DCT: variants seen among roughly 807,000 people sequenced by gnomAD.
DCT encodes L-dopachrome tautomerase.
DCT carries 47 observed loss-of-function variants against 53.0 expected under a neutral mutation model. The ratio of observed to expected loss-of-function variants is 0.89; its 90% CI spans 0.70 to 1.13. DCT has a LOEUF of 1.13. Among genes scored for constraint, DCT ranks in the 50% most tolerant of loss-of-function variants. The pLI, the probability that DCT is intolerant of heterozygous loss-of-function variation, is 0.00. For missense variants in DCT, 669 were observed against 637.4 expected (o/e 1.05, Z -0.53); for synonymous variants, 244 against 237.0 (o/e 1.03, Z -0.27).
chr13:94,446,877 C>T (rs780464610), intron 6 of DCT, among the ~76,000 whole-genome samples: 10 of 152,068 alleles, frequency 6.6e-5, no homozygotes, highest in Non-Finnish European at 1.5e-4. Context: ...ATAGGGACAC[C>T]ACTCACACTA....
the DCT span, among the ~76,000 whole-genome samples, chr13:94,526,057 G>A: frequency 5.9e-5 from 9 of 152,362 alleles, no homozygotes; most frequent in East Asian, 1.5e-3. Context: ...GGCCACATGT[G>A]CTGTCTTCAA....
the DCT span, among the ~76,000 whole-genome samples, chr13:94,495,177 A>G: frequency 6.6e-6 from 1 of 151,518 alleles, no homozygotes; most frequent in African/African-American, 2.4e-5. Flanking sequence ...GCTCACTACA[A>G]CCTCTGCCTG....
the DCT span, among the ~76,000 whole-genome samples, chr13:94,538,478 C>T: frequency 2.6e-5 from 4 of 152,148 alleles, no homozygotes; most frequent in Admixed American, 6.5e-5. Flanking sequence ...AGCCCCAATA[C>T]CTTGGTATTA....
the DCT span, among the ~76,000 whole-genome samples, chr13:94,539,250 A>C: frequency 6.6e-6 from 1 of 152,240 alleles, no homozygotes; most frequent in Non-Finnish European, 1.5e-5. Flanking sequence ...GCAGACGGCA[A>C]GCTCTCAGGA....
At chr13:94,448,569 G>A (rs568165651) in intron 6 of DCT, among the ~76,000 whole-genome samples, 1 of 152,282 alleles carries the variant, frequency 6.6e-6, no homozygotes, top group African/African-American at 2.4e-5. Context: ...AGGGTCAAAT[G>A]TCATTTGAGG....
At chr13:94,452,563 AT>A in intron 6 of DCT, 7 of 743,106 alleles carry the variant, frequency 9.4e-6, no homozygotes, top group South Asian at 3.0e-5. Context: ...TTTCAAATGC[AT>A]TTTTTTACCC....
the DCT span, among the ~76,000 whole-genome samples, chr13:94,538,963 C>T: frequency 6.6e-6 from 1 of 152,184 alleles, no homozygotes; most frequent in African/African-American, 2.4e-5. Flanking sequence ...TAGGGGTTAT[C>T]AGCCCACACC....
At chr13:94,490,529 A>AAAAAC in the DCT span, among the ~76,000 whole-genome samples, 12 of 148,822 alleles carry the variant, frequency 8.1e-5, no homozygotes, top group South Asian at 1.7e-3. Flanking sequence ...AAAAAAAAAA[A>AAAAAC]AACAACTAAC....
At chr13:94,514,833 A>G in the DCT span, among the ~76,000 whole-genome samples, 515 of 152,298 alleles carry the variant, frequency 3.4e-3, 4 homozygotes, top group Non-Finnish European at 5.9e-3. Flanking sequence ...TTACAGCTGT[A>G]TTTTACAAAG....
At chr13:94,543,844 G>A in the DCT span, among the ~76,000 whole-genome samples, 1 of 152,106 alleles carries the variant, frequency 6.6e-6, no homozygotes, top group Non-Finnish European at 1.5e-5. Flanking sequence ...AGACCAGCCT[G>A]ACCAACATGG....
chr13:94,490,274 G>T, the DCT span, among the ~76,000 whole-genome samples: 2 of 152,014 alleles, frequency 1.3e-5, no homozygotes, highest in Non-Finnish European at 2.9e-5. Context: ...GGAGGCTGAG[G>T]TGAGTGGATC....
chr13:94,467,769 T>C (rs960547194), intron 2 of DCT: 2 of 152,180 alleles, frequency 1.3e-5, no homozygotes, highest in South Asian at 2.1e-4. Flanking sequence ...AGGATGAACC[T>C]GTCCAAATCA....
At chr13:94,506,744 T>G in the DCT span, among the ~76,000 whole-genome samples, 1 of 152,106 alleles carries the variant, frequency 6.6e-6, no homozygotes, top group Non-Finnish European at 1.5e-5. Context: ...GAAAAATAAT[T>G]TTTAAAAAGT....
chr13:94,462,295 G>T, intron 4 of DCT, 106 bp from the exon 5 acceptor site: 2 of 829,234 alleles, frequency 2.4e-6, no homozygotes, highest in East Asian at 2.6e-5. Flanking sequence ...ATCCCTTGAG[G>T]CCAGGAGTTT....
At chr13:94,465,971 TATATA>T (rs1884173420) in intron 3 of DCT, among the ~76,000 whole-genome samples, 172 bp from the exon 4 acceptor site, 2 of 2,590 alleles carry the variant, frequency 7.7e-4, no homozygotes, top group African/African-American at 1.6e-3. Context: ...GTATATTTTA[TATATA>T]TATATATATA....
chr13:94,492,169 T>C, the DCT span, among the ~76,000 whole-genome samples: 1 of 152,188 alleles, frequency 6.6e-6, no homozygotes, highest in Admixed American at 6.5e-5. Flanking sequence ...AACTCAACAG[T>C]TAAAGGCAGA....
the DCT span, among the ~76,000 whole-genome samples, chr13:94,494,149 A>G: frequency 6.6e-6 from 1 of 152,224 alleles, no homozygotes; most frequent in Non-Finnish European, 1.5e-5. Context: ...ATGGCTCCCC[A>G]GGATCTCACA....
the DCT span, among the ~76,000 whole-genome samples, chr13:94,505,586 A>G: frequency 3.3e-5 from 5 of 152,208 alleles, no homozygotes; most frequent in African/African-American, 9.7e-5. Flanking sequence ...CTTTTCGGCC[A>G]TGGAGGAAGA....
the DCT span, among the ~76,000 whole-genome samples, chr13:94,540,060 T>C: frequency 6.6e-6 from 1 of 152,308 alleles, no homozygotes; most frequent in African/African-American, 2.4e-5. Flanking sequence ...TTTTTCATTG[T>C]GTACTTCCTT....
Sources: gnomAD v4.1 joint callset for allele counts (sites outside exome capture counted in the v4.1 genomes callset) on GRCh38, gnomAD v4.1.1 for gene constraint, MANE v1.5 for transcripts, NCBI Gene and HGNC (gene_info 2026-07-23, HGNC 2026-07-21) for gene names.